Variants in NEDD1 observed in about 807,000 individuals in gnomAD.
The protein encoded by NEDD1 is NEDD1 gamma-tubulin ring complex targeting factor.
In NEDD1, 33 loss-of-function variants were observed where a neutral mutation model predicts 74.0. The observed-to-expected ratio is 0.45, with a 90% confidence interval of 0.34 to 0.60. The LOEUF (loss-of-function observed/expected upper bound fraction) is 0.60. Among genes scored for constraint, NEDD1 ranks in the 20% least tolerant of loss-of-function variants. The pLI is 0.01. For missense variants in NEDD1, 746 were observed against 776.5 expected (o/e 0.96, Z 0.47); for synonymous variants, 250 against 264.4 (o/e 0.95, Z 0.53).
chr12:96,935,619 A>T (rs11108740), intron 7 of NEDD1, among the ~76,000 whole-genome samples: 7,768 of 152,198 alleles, frequency 0.051, 262 homozygotes, highest in South Asian at 0.091. Flanking sequence ...TAGGATATTC[A>T]TCAGCATCCC....
intron 14 of NEDD1, among the ~76,000 whole-genome samples, chr12:96,950,325 C>T (rs1187083622): frequency 6.6e-6 from 1 of 151,902 alleles, no homozygotes; most frequent in African/African-American, 2.4e-5. Flanking sequence ...CTGGTGACAT[C>T]CATTGATAAC....
chr12:96,945,653 C>T, intron 13 of NEDD1, 40 bp from the exon 14 acceptor site: 1 of 1,316,620 alleles, frequency 7.6e-7, no homozygotes, highest in Non-Finnish European at 1.1e-6. Context: ...GTCTCTCAGT[C>T]CAAGTTGACT....
At chr12:96,913,554 A>G (rs1467502338) in intron 4 of NEDD1, among the ~76,000 whole-genome samples, 1 of 151,864 alleles carries the variant, frequency 6.6e-6, no homozygotes, top group African/African-American at 2.4e-5. Context: ...TTGTATTTTT[A>G]GTAGAGACGG....
rs776231220 is a variant in NEDD1 at position 96,940,418 on chromosome 12, G to A, written c.1127G>A (p.Arg376Gln). 5.7e-6 allele frequency: 9 copies of A among 1,587,730 alleles called. No individual in the cohort carries two copies. The highest frequency in any genetic ancestry group is 2.7e-5 in the African/African-American group (2 of 74,084). Residue 376 changes from arginine to glutamine, a missense_variant, in exon 10 of 16, where the codon CGA becomes CAA. Physicochemically the swap from Arg to Gln is conservative, Grantham distance 43. Transcript: ENST00000266742. ...ATCTAATTCCTATAAGGTTTGCCTC[G>A]AAGCATAAACACAGACACTTTATCT... ...VAVQEKAGLP[R>Q]SINTDTLSKE...
intron 14 of NEDD1, among the ~76,000 whole-genome samples, chr12:96,950,058 G>T (rs1403576861): frequency 2.0e-5 from 3 of 151,962 alleles, no homozygotes; most frequent in African/African-American, 7.2e-5. Flanking sequence ...GGGATAAGAA[G>T]ATACCTGCAG....
chr12:96,924,830 T>A, intron 6 of NEDD1: 1 of 453,438 alleles, frequency 2.2e-6, no homozygotes, highest in South Asian at 1.6e-5. Flanking sequence ...TTGCGTTGAC[T>A]AGGCTCTCCA....
chr12:96,916,697 G>A (rs948330692), intron 4 of NEDD1, among the ~76,000 whole-genome samples: 14 of 151,288 alleles, frequency 9.3e-5, no homozygotes, highest in African/African-American at 2.2e-4. Flanking sequence ...GCTATTGTGA[G>A]TAATGCCGCA....
At chr12:96,912,933 C>T in intron 4 of NEDD1, 116 bp downstream of exon 4, 1 of 583,046 alleles carries the variant, frequency 1.7e-6, no homozygotes. Context: ...TTATTTTTAA[C>T]TTAAGCTCAA....
intron 6 of NEDD1, among the ~76,000 whole-genome samples, chr12:96,921,185 T>A (rs1170688246): frequency 2.0e-5 from 3 of 152,152 alleles, no homozygotes; most frequent in African/African-American, 7.2e-5. Flanking sequence ...TTTTTGCTTG[T>A]TTGTTTGGTT....
intron 7 of NEDD1, among the ~76,000 whole-genome samples, chr12:96,935,424 A>T (rs1876991565): frequency 6.6e-6 from 1 of 152,194 alleles, no homozygotes; most frequent in Non-Finnish European, 1.5e-5. Context: ...ACATAGAGAG[A>T]TGACATCTTA....
intron 5 of NEDD1, among the ~76,000 whole-genome samples, chr12:96,919,554 T>A (rs1270030937): frequency 6.6e-6 from 1 of 152,198 alleles, no homozygotes; most frequent in African/African-American, 2.4e-5. Context: ...GATTTTTCTC[T>A]TTTCTCTAAG....
intron 6 of NEDD1, among the ~76,000 whole-genome samples, chr12:96,929,556 T>TACACACACACACAC (rs71078436): frequency 3.1e-5 from 4 of 127,804 alleles, no homozygotes; most frequent in Admixed American, 1.7e-4. Flanking sequence ...TTTTCATGTA[T>TACACACACACACAC]ACACACACAC....
At chr12:96,935,822 AAAAAACAAAAAC>A (rs1274071216) in intron 7 of NEDD1, among the ~76,000 whole-genome samples, 2 of 150,992 alleles carry the variant, frequency 1.3e-5, no homozygotes, top group Non-Finnish European at 2.9e-5. Flanking sequence ...TTAGTTAGCT[AAAAAACAAAAAC>A]AAAAACAAAA....
intron 3 of NEDD1, among the ~76,000 whole-genome samples, chr12:96,912,004 CTTAG>C (rs1873965425): frequency 6.6e-6 from 1 of 151,962 alleles, no homozygotes; most frequent in African/African-American, 2.4e-5. Context: ...GACTCTTATT[CTTAG>C]TTATATTATT....
At chr12:96,932,334 C>G (rs770123166) in intron 6 of NEDD1, among the ~76,000 whole-genome samples, 1 of 142,052 alleles carries the variant, frequency 7.0e-6, no homozygotes, top group Non-Finnish European at 1.5e-5. Flanking sequence ...AGGCCAGGTG[C>G]GGTGGCTCAC....
intron 6 of NEDD1, chr12:96,925,058 C>T (rs889924011): frequency 3.9e-6 from 1 of 257,298 alleles, no homozygotes; most frequent in Non-Finnish European, 7.6e-6. Context: ...TTTATTCATC[C>T]TAGATGAAAG....
At chr12:96,927,305 A>G (rs1875821795) in intron 6 of NEDD1, among the ~76,000 whole-genome samples, 1 of 152,248 alleles carries the variant, frequency 6.6e-6, no homozygotes, top group Admixed American at 6.5e-5. Flanking sequence ...ATATATTGAA[A>G]TAAGATTTCC....
chr12:96,914,323 C>CT (rs1196951220), intron 4 of NEDD1, among the ~76,000 whole-genome samples: 4 of 151,046 alleles, frequency 2.6e-5, no homozygotes, highest in Non-Finnish European at 5.9e-5. Context: ...TATTTGGGAG[C>CT]TTTTTTTTTA....
intron 6 of NEDD1, among the ~76,000 whole-genome samples, chr12:96,923,988 G>A (rs1875414555): frequency 6.6e-6 from 1 of 151,962 alleles, no homozygotes; most frequent in South Asian, 2.1e-4. Context: ...ATACTATTCT[G>A]TGTTTTCTTT....
Sources: allele counts gnomAD v4.1 joint callset (sites outside exome capture counted in the v4.1 genomes callset), GRCh38; gene constraint gnomAD v4.1.1; transcripts MANE v1.5; gene names NCBI Gene and HGNC (gene_info 2026-07-23, HGNC 2026-07-21).